The following ACO1 variants were observed in gnomAD, a reference collection of about 807,000 sequenced individuals.
ACO1 encodes the protein cytoplasmic aconitate hydratase.
A neutral mutation model predicts 105.1 loss-of-function variants in ACO1; 78 were observed. That is an observed-to-expected ratio of 0.74 (90% CI 0.62 to 0.90). The LOEUF (loss-of-function observed/expected upper bound fraction) is 0.90. ACO1 is among the 40% of genes least tolerant of loss of function. ACO1 has a pLI of 0.00. For synonymous variants in ACO1, 364 were observed against 397.4 expected (o/e 0.92, Z 1.00); for missense variants, 965 against 1,111.1 (o/e 0.87, Z 1.87).
At chr9:32,396,707 T>C (rs956968939) in intron 1 of ACO1, among the ~76,000 whole-genome samples, 1 of 152,212 alleles carries the variant, frequency 6.6e-6, no homozygotes, top group Admixed American at 6.5e-5. Flanking sequence ...GTTTGTATAT[T>C]TATTTATTTG....
In ACO1 at chr9:32,440,471, G is replaced by A; in HGVS notation, c.2254G>A (p.Val752Met). The A allele has an allele frequency of 6.2e-7, 1 of 1,613,838 alleles. No individual in the cohort carries two copies. Among genetic ancestry groups the A allele is most frequent in the Non-Finnish European group, 8.5e-7 (1 of 1,179,834 alleles). Reference protein sequence around the residue: ...IHLPSGEILDVFDAAERYQQA... With the variant: ...IHLPSGEILDMFDAAERYQQA... ...TTCCTTTTCTCTTCCTCAGCTTGATGTGTTTGATGCTGCTGAGCGGTACCA... is the reference window on the plus strand; with the variant it reads ...TTCCTTTTCTCTTCCTCAGCTTGATATGTTTGATGCTGCTGAGCGGTACCA... The change falls in exon 19 of 21, where the codon GTG becomes ATG. Residue 752 changes from valine (V) to methionine (M), a missense_variant. By Grantham distance (21) the Val-to-Met change is conservative. Coordinates refer to ENST00000309951, the MANE Select transcript of ACO1 (RefSeq NM_002197.3).
chr9:32,443,497 G>C (rs188780359), intron 19 of ACO1, among the ~76,000 whole-genome samples: 1 of 152,110 alleles, frequency 6.6e-6, no homozygotes, highest in Non-Finnish European at 1.5e-5. Context: ...TCTCATTATC[G>C]ATATTCTAGA....
Position 32,423,348 on chromosome 9 carries a change from A to T in ACO1, c.1000A>T (p.Lys334Ter), listed in dbSNP as rs745558996. The change falls in exon 9 of 21, where the codon AAA (lysine) becomes TAA (stop). Residue 334 changes from lysine to a stop codon, truncating the protein, a stop_gained. Transcript: ENST00000309951. LOFTEE classifies it high-confidence loss of function. ...GRDEEKLKYI[K>*]KYLQAVGMFR... ...TGATGAAGAAAAATTAAAGTATATTAAAAAATATCTTCAGGCTGTAGGAAT... is the reference window on the plus strand; with the variant it reads ...TGATGAAGAAAAATTAAAGTATATTTAAAAATATCTTCAGGCTGTAGGAAT... 2 of 1,596,086 alleles carry T rather than the reference A, an allele frequency of 1.3e-6. No individual in the cohort carries two copies. The highest frequency in any genetic ancestry group is 8.5e-7 in the Non-Finnish European group (1 of 1,174,136).
chr9:32,386,745 T>C (rs1017560052), intron 1 of ACO1, among the ~76,000 whole-genome samples: 3 of 151,818 alleles, frequency 2.0e-5, no homozygotes, highest in African/African-American at 4.8e-5. Context: ...GTGTTCTTTG[T>C]ATTAAAAAAT....
intron 4 of ACO1, among the ~76,000 whole-genome samples, chr9:32,416,408 A>G (rs1304157061): frequency 2.0e-5 from 3 of 151,982 alleles, no homozygotes; most frequent in African/African-American, 7.3e-5. Flanking sequence ...TGTGTTTTCT[A>G]TGAGGTAAAT....
rs981917199 is a variant in ACO1 at position 32,451,523 on chromosome 9, A to ATAAG, written c.*1414_*1417dup. The ATAAG allele has an allele frequency of 1.3e-5, 2 of 152,330 alleles. No homozygotes were observed. The highest frequency in any genetic ancestry group is 2.1e-4 in the South Asian group (1 of 4,822). The allele number at this position is 152,330 out of a possible 1,614,324, so 9.4% of individuals were successfully genotyped here. On this transcript the variant is annotated 3_prime_UTR_variant, in exon 21 of 21. Transcript: ENST00000309951. Reference sequence around the variant, plus strand: ...GGGGAGGGGCATGGGGAATGCTGGTATAAGTCCCAGAGTCTGAATGCCCAG... The same window carrying ATAAG: ...GGGGAGGGGCATGGGGAATGCTGGTATAAGTAAGTCCCAGAGTCTGAATGCCCAG...
intron 4 of ACO1, among the ~76,000 whole-genome samples, chr9:32,409,884 G>A (rs1821698333): frequency 6.6e-6 from 1 of 152,094 alleles, no homozygotes; most frequent in Non-Finnish European, 1.5e-5. Context: ...CTGAACATGT[G>A]AATATGCAGT....
At chr9:32,398,692 C>T (rs56244937) in intron 1 of ACO1, among the ~76,000 whole-genome samples, 22,641 of 151,988 alleles carry the variant, frequency 0.15, 2,117 homozygotes, top group South Asian at 0.29. Context: ...CTTCCAGGCT[C>T]CAGCGATCCT....
intron 1 of ACO1, among the ~76,000 whole-genome samples, chr9:32,395,930 T>C (rs1025763075): frequency 6.6e-6 from 1 of 152,256 alleles, no homozygotes; most frequent in Admixed American, 6.5e-5. Context: ...TTGCATGTGA[T>C]GTTCTGCCCC....
intron 4 of ACO1, among the ~76,000 whole-genome samples, chr9:32,414,318 T>A (rs1243531221): frequency 5.9e-5 from 9 of 152,214 alleles, no homozygotes; most frequent in Non-Finnish European, 1.3e-4. Context: ...TCCTCTTTAG[T>A]CCGTGAGGCC....
At position 32,390,412 on chromosome 9, in the gene ACO1, A is replaced by G. The variant is rs935610610; in HGVS notation, c.-23+5677A>G. On this transcript the variant is annotated intron_variant, in intron 1 of 20. Coordinates refer to ENST00000309951, the MANE Select transcript of ACO1 (RefSeq NM_002197.3). ...AAAGCCTTTCTTGAATCCCACTTGT[A>G]GCTGTCTCTTTCCTTTGACTTTTCT... 1.1e-4 allele frequency among the ~76,000 whole-genome samples: 17 copies of G among 152,196 alleles called. No individual in the cohort carries two copies. In the East Asian group the frequency reaches 3.3e-3, roughly 29 times the overall value.
chr9:32,414,451 G>A (rs1821806795), intron 4 of ACO1, among the ~76,000 whole-genome samples: 1 of 152,206 alleles, frequency 6.6e-6, no homozygotes, highest in Admixed American at 6.5e-5. Flanking sequence ...GGCTAATTGA[G>A]CCAAGCTCCA....
At position 32,418,039 on chromosome 9, in the gene ACO1, A is replaced by G; in HGVS notation, c.405-89A>G. 4 of 1,135,488 alleles carry G rather than the reference A, an allele frequency of 3.5e-6. No homozygotes were observed. In the South Asian group the frequency reaches 5.5e-5, roughly 16 times the overall value. 70.3% of individuals were successfully genotyped at this position (1,135,488 alleles called of 1,614,324 possible). A position where few individuals can be genotyped will look rare whatever the true frequency, so the allele number is the denominator to read the frequency against. On this transcript the variant is annotated intron_variant, in intron 4 of 20. Transcript: ENST00000309951. ...TATCACTCAGCAAGCAAGGAGATGC[A>G]ATTCCATTTTGTTTCTTCATCACCA...
chr9:32,430,479 C>T lies in ACO1; in HGVS notation c.1631C>T (p.Pro544Leu). The T allele has an allele frequency of 1.9e-6, 3 of 1,612,064 alleles. No individual in the cohort carries two copies. Among genetic ancestry groups the T allele is most frequent in the Non-Finnish European group, 2.5e-6 (3 of 1,179,298 alleles). Residue 544 changes from proline to leucine, a missense_variant, in exon 14 of 21, where the codon CCC (proline) becomes CTC (leucine). By Grantham distance (98) the Pro-to-Leu change is moderately conservative. Transcript: ENST00000309951. ...AGGAATTTTGAAGGTCGAGTTCACCCCAACACCCGGGCCAACTATTTAGCC... is the reference window on the plus strand; with the variant it reads ...AGGAATTTTGAAGGTCGAGTTCACCTCAACACCCGGGCCAACTATTTAGCC... ...GNRNFEGRVH[P>L]NTRANYLASP...
At chr9:32,392,955 A>T (rs1190189867) in intron 1 of ACO1, among the ~76,000 whole-genome samples, 1 of 152,168 alleles carries the variant, frequency 6.6e-6, no homozygotes, top group Non-Finnish European at 1.5e-5. Context: ...GCCTGTCTTT[A>T]CTTTAATCTC....
In ACO1 at chr9:32,453,878, T is replaced by C. The variant is rs949056051; in HGVS notation, c.*3767T>C. The C allele has an allele frequency of 3.3e-5, 5 of 152,226 alleles. No homozygotes were observed. Among genetic ancestry groups the C allele is most frequent in the African/African-American group, 9.6e-5 (4 of 41,458 alleles). 9.4% of individuals were successfully genotyped at this position (152,226 alleles called of 1,614,324 possible). A position where few individuals can be genotyped will look rare whatever the true frequency, so the allele number is the denominator to read the frequency against. On this transcript the variant is annotated 3_prime_UTR_variant, in exon 21 of 21. Transcript: ENST00000309951. The stretch of plus-strand genomic sequence containing the variant: ...AGACAGCGTCATTATGAACAAAGAT[T>C]ATATAACGATAGCTGATATTAAGTA...
intron 4 of ACO1, among the ~76,000 whole-genome samples, chr9:32,411,572 G>A (rs1264751144): frequency 2.0e-5 from 3 of 152,220 alleles, no homozygotes; most frequent in African/African-American, 7.2e-5. Flanking sequence ...GAAGATAAAT[G>A]GGCAAAGGAA....
At chr9:32,391,986 G>C (rs1821276652) in intron 1 of ACO1, among the ~76,000 whole-genome samples, 2 of 152,166 alleles carry the variant, frequency 1.3e-5, no homozygotes. Context: ...ATCAGTCTAA[G>C]TGCTAATAAT....
Position 32,453,641 on chromosome 9 carries a change from T to C in ACO1, c.*3530T>C, listed in dbSNP as rs1286946369. ...TTCCCTAGGGCAAAAATATTGGGAG[T>C]TCCTAGTCACCTAAATGAAGAACCT... On this transcript the variant is annotated 3_prime_UTR_variant, in exon 21 of 21. Coordinates refer to ENST00000309951, the MANE Select transcript of ACO1 (RefSeq NM_002197.3). 6.6e-6 allele frequency: 1 copy of C among 152,058 alleles called. No homozygotes were observed. Among genetic ancestry groups the C allele is most frequent in the Non-Finnish European group, 1.5e-5 (1 of 68,006 alleles). 9.4% of individuals were successfully genotyped at this position (152,058 alleles called of 1,614,324 possible).
Sources: gnomAD v4.1 joint callset for allele counts (sites outside exome capture counted in the v4.1 genomes callset) on GRCh38, gnomAD v4.1.1 for gene constraint, MANE v1.5 for transcripts, NCBI Gene and HGNC (gene_info 2026-07-23, HGNC 2026-07-21) for gene names.